MPP2: variants seen among roughly 807,000 people sequenced by gnomAD.
MPP2 encodes the protein MAGUK p55 scaffold protein 2.
Under a neutral mutation model 58.5 loss-of-function variants are expected in MPP2, and 42 were observed. The observed-to-expected ratio is 0.72, with a 90% CI of 0.56 to 0.93. The LOEUF (loss-of-function observed/expected upper bound fraction) is 0.93. MPP2 is among the 40% of genes least tolerant of loss of function. The probability of loss-of-function intolerance (pLI) is 0.00; values close to 1 mark genes in which losing one functional copy is unlikely to be tolerated. For missense variants in MPP2, 632 were observed against 760.4 expected, an observed-to-expected ratio of 0.83 and a Z score of 1.99; for synonymous variants, 300 against 307.8, an observed-to-expected ratio of 0.97 and a Z score of 0.26.
intron 3 of MPP2, chr17:43,884,234 G>C: frequency 1.6e-6 from 1 of 638,260 alleles, no homozygotes; most frequent in Non-Finnish European, 2.8e-6. Flanking sequence ...TGTCCCAAAA[G>C]TATCCTTTAT....
At chr17:43,886,839 A>G (rs1354311515) in intron 3 of MPP2, among the ~76,000 whole-genome samples, 2 of 152,198 alleles carry the variant, frequency 1.3e-5, no homozygotes, top group African/African-American at 4.8e-5. Context: ...ATCTCTCCAT[A>G]TGATTAAGGA....
At chr17:43,907,192 G>A (rs2048326180) in intron 1 of MPP2, 2 of 985,508 alleles carry the variant, frequency 2.0e-6, no homozygotes, top group East Asian at 1.1e-4. Flanking sequence ...GCAGATACCG[G>A]GGCCCCTCAC....
chr17:43,905,092 T>C (rs1039359051), intron 1 of MPP2, among the ~76,000 whole-genome samples: 5 of 151,050 alleles, frequency 3.3e-5, no homozygotes, highest in African/African-American at 1.2e-4. Flanking sequence ...CAGGGGGATC[T>C]CTTGAGCCCA....
At chr17:43,887,370 C>T (rs1179991298) in intron 3 of MPP2, among the ~76,000 whole-genome samples, 3 of 152,066 alleles carry the variant, frequency 2.0e-5, no homozygotes, top group East Asian at 1.9e-4. Flanking sequence ...AGTGACAGAG[C>T]AAGACCCTGG....
intron 2 of MPP2, 119 bp from the exon 3 acceptor site, chr17:43,898,499 G>GCAACATTCCCCTCCCCA (rs1567900495): frequency 6.7e-5 from 41 of 608,814 alleles, no homozygotes; most frequent in African/African-American, 4.6e-4. Context: ...GCCCCTCCCC[G>GCAACATTCCCCTCCCCA]GCAACATTCC....
chr17:43,898,799 T>C (rs2047964594), intron 2 of MPP2, among the ~76,000 whole-genome samples: 1 of 152,152 alleles, frequency 6.6e-6, no homozygotes, highest in South Asian at 2.1e-4. Flanking sequence ...ACCCCATCTC[T>C]ACTAAAAATA....
intron 12 of MPP2, among the ~76,000 whole-genome samples, chr17:43,878,448 C>T (rs372626081): frequency 6.6e-6 from 1 of 152,160 alleles, no homozygotes; most frequent in Admixed American, 6.5e-5. Flanking sequence ...GGCAACCCCA[C>T]CCTCGACCCA....
At chr17:43,907,693 G>A, upstream of MPP2, 1 of 985,656 alleles carries the variant, frequency 1.0e-6, no homozygotes. Context: ...CCAGGTAGTG[G>A]TTTGGGAGAC....
rs373964186 is a variant in MPP2 at position 43,907,523 on chromosome 17, G to A, written c.-83C>T. On this transcript the variant is annotated 5_prime_UTR_variant, in exon 1 of 13. Coordinates refer to ENST00000269095, the MANE Select transcript of MPP2 (RefSeq NM_005374.5). ...CCGGGCGGCTCCAGCGCAGCCGGGCGCTCAGCGTTTATTGCTTGTCAATCG... is the reference window on the plus strand; with the variant it reads ...CCGGGCGGCTCCAGCGCAGCCGGGCACTCAGCGTTTATTGCTTGTCAATCG... The A allele has an allele frequency of 2.0e-6, 2 of 985,420 alleles. No individual in the cohort carries two copies. The highest frequency in any genetic ancestry group is 2.4e-6 in the Non-Finnish European group (2 of 829,982). The allele number at this position is 985,420 out of a possible 1,614,324, so 61.0% of individuals were successfully genotyped here.
At position 43,882,447 on chromosome 17, in the gene MPP2, A is replaced by G; in HGVS notation, c.518T>C (p.Val173Ala). Reference protein sequence around the residue: ...VIARILHGGMVAQQGLLHVGD... With the variant: ...VIARILHGGMAAQQGLLHVGD... ...CACATGCAGCAGGCCTTGTTGAGCC[A>G]CCATGCCCCCATGCAGAATGCGCGC... Residue 173 changes from valine (V) to alanine (A), a missense_variant, in exon 6 of 13, where the codon GTG (valine) becomes GCG (alanine). Transcript: ENST00000269095. 1 of 1,608,784 alleles carries G rather than the reference A, an allele frequency of 6.2e-7. No homozygotes were observed. The highest frequency in any genetic ancestry group is 8.5e-7 in the Non-Finnish European group (1 of 1,179,904).
intron 1 of MPP2, chr17:43,907,191 G>C: frequency 2.0e-6 from 2 of 985,478 alleles, no homozygotes; most frequent in Non-Finnish European, 2.4e-6. Context: ...CGCAGATACC[G>C]GGGCCCCTCA....
At chr17:43,883,530 C>A (rs910980125) in intron 3 of MPP2, 175 bp from the exon 4 acceptor site, 2 of 687,088 alleles carry the variant, frequency 2.9e-6, no homozygotes, top group Non-Finnish European at 4.7e-6. Context: ...TCCTTGCTGT[C>A]TCCTTTCTTC....
At chr17:43,904,564 C>A in intron 1 of MPP2, 71 bp from the exon 2 acceptor site, 1 of 1,394,790 alleles carries the variant, frequency 7.2e-7, no homozygotes, top group Admixed American at 1.8e-5. Context: ...GGAAGAGCCT[C>A]CCCTTCAGGA....
At position 43,879,476 on chromosome 17, in the gene MPP2, G is replaced by C; in HGVS notation, c.1354-73C>G. 1 of 1,584,888 alleles carries C rather than the reference G, an allele frequency of 6.3e-7. No individual in the cohort carries two copies. The highest frequency in any genetic ancestry group is 8.6e-7 in the Non-Finnish European group (1 of 1,159,348). On this transcript the variant is annotated intron_variant, in intron 11 of 12. Coordinates refer to ENST00000269095, the MANE Select transcript of MPP2 (RefSeq NM_005374.5). This position sits in a 1 kb window ranked among gnomAD's most constrained non-coding sequence, Gnocchi z 4.1. ...TAGGAACCAGAGAAAGGCTGTGAGGGTAACTGGGGTTGGGGTGAGCACTTG... is the reference window on the plus strand; with the variant it reads ...TAGGAACCAGAGAAAGGCTGTGAGGCTAACTGGGGTTGGGGTGAGCACTTG...
At chr17:43,905,793 A>C (rs1220721582) in intron 1 of MPP2, among the ~76,000 whole-genome samples, 1 of 151,414 alleles carries the variant, frequency 6.6e-6, no homozygotes, top group East Asian at 1.9e-4. Flanking sequence ...TTTCAATAAA[A>C]CCCTCTCTGC....
chr17:43,884,590 A>G (rs796499833), intron 3 of MPP2, among the ~76,000 whole-genome samples: 7 of 152,316 alleles, frequency 4.6e-5, no homozygotes, highest in African/African-American at 1.4e-4. Flanking sequence ...TTGTTTCCTC[A>G]TGATTAGACT....
chr17:43,886,039 C>G (rs170766), intron 3 of MPP2, among the ~76,000 whole-genome samples: 119,728 of 151,426 alleles, frequency 0.79, 48,622 homozygotes, highest in East Asian at 1. Context: ...ACCCGGGAGG[C>G]AGAGGTTGCA....
intron 2 of MPP2, chr17:43,900,595 C>T (rs1436932905): frequency 8.0e-6 from 12 of 1,492,378 alleles, no homozygotes; most frequent in Non-Finnish European, 9.9e-6. Flanking sequence ...TCCTACACGC[C>T]GCCGTCTACC....
intron 2 of MPP2, among the ~76,000 whole-genome samples, chr17:43,903,495 A>G (rs1253625694): frequency 6.6e-6 from 1 of 151,852 alleles, no homozygotes; most frequent in African/African-American, 2.4e-5. Context: ...GGAGTTTGAG[A>G]CCAGCATGGG....
Sources: allele counts gnomAD v4.1 joint callset (sites outside exome capture counted in the v4.1 genomes callset), GRCh38; gene constraint gnomAD v4.1.1; non-coding constraint Gnocchi (gnomAD v3.1); transcripts MANE v1.5; gene names NCBI Gene and HGNC (gene_info 2026-07-23, HGNC 2026-07-21).